PDE4B: variants seen among roughly 807,000 people sequenced by gnomAD.
PDE4B encodes the protein phosphodiesterase 4B, also known as 3',5'-cyclic-AMP phosphodiesterase 4B.
In PDE4B, 20 loss-of-function variants were observed where a neutral mutation model predicts 82.2. The observed-to-expected ratio is 0.24, with a 90% CI of 0.17 to 0.35. PDE4B has a LOEUF of 0.35. Among genes scored for constraint, PDE4B ranks in the 10% least tolerant of loss-of-function variants. PDE4B has a pLI of 1.00. For missense variants in PDE4B, 655 were observed against 907.2 expected (o/e 0.72, Z 3.57); for synonymous variants, 320 against 318.9 (o/e 1.00, Z -0.04).
At chr1:65,877,476 G>T (rs776859721) in intron 1 of PDE4B, among the ~76,000 whole-genome samples, 5 of 152,086 alleles carry the variant, frequency 3.3e-5, no homozygotes, top group Middle Eastern at 3.4e-3. Context: ...TTAGCTGGGC[G>T]TGGTGGCAGG....
chr1:66,269,003 A>G (rs1156547000), intron 7 of PDE4B, among the ~76,000 whole-genome samples: 1 of 152,232 alleles, frequency 6.6e-6, no homozygotes, highest in Non-Finnish European at 1.5e-5. Context: ...CATAGTAAGA[A>G]CACAGTAAGT....
intron 3 of PDE4B, among the ~76,000 whole-genome samples, chr1:66,092,789 A>G (rs979830700): frequency 3.3e-5 from 5 of 151,998 alleles, no homozygotes; most frequent in African/African-American, 1.2e-4. Flanking sequence ...GGGGAACAGC[A>G]GAGACAAAAG....
intron 1 of PDE4B, among the ~76,000 whole-genome samples, chr1:65,819,406 C>G (rs896512889): frequency 2.6e-5 from 4 of 152,138 alleles, no homozygotes; most frequent in Non-Finnish European, 5.9e-5. Flanking sequence ...TAGTCTAACT[C>G]CAGAGACCAG....
At chr1:65,977,552 T>C (rs1183026922) in intron 3 of PDE4B, among the ~76,000 whole-genome samples, 1 of 152,222 alleles carries the variant, frequency 6.6e-6, no homozygotes, top group African/African-American at 2.4e-5. Context: ...TCAGTGAATG[T>C]ACATTCACTG....
chr1:65,961,918 G>A (rs2100599026), intron 3 of PDE4B, among the ~76,000 whole-genome samples: 1 of 152,292 alleles, frequency 6.6e-6, no homozygotes, highest in Middle Eastern at 3.4e-3. Context: ...AAACAGTTAA[G>A]TGCGGCTGAA....
intron 7 of PDE4B, chr1:66,266,547 T>C (rs1056183400): frequency 2.2e-5 from 8 of 371,098 alleles, no homozygotes; most frequent in Admixed American, 1.1e-4. Context: ...TTTCCAGGTG[T>C]GAAACCAAAG....
intron 8 of PDE4B, among the ~76,000 whole-genome samples, chr1:66,335,818 C>T (rs938188120): frequency 6.6e-6 from 1 of 152,212 alleles, no homozygotes; most frequent in African/African-American, 2.4e-5. Flanking sequence ...TTCGATTAGA[C>T]ATGTTAGAGC....
At chr1:66,254,136 G>A (rs997207396) in intron 4 of PDE4B, among the ~76,000 whole-genome samples, 8 of 152,046 alleles carry the variant, frequency 5.3e-5, no homozygotes, top group Admixed American at 4.6e-4. Context: ...ATCTAAATCC[G>A]TTATCTTGTC....
chr1:66,228,425 C>G (rs940153582), intron 3 of PDE4B, among the ~76,000 whole-genome samples: 2 of 152,048 alleles, frequency 1.3e-5, no homozygotes, highest in Non-Finnish European at 2.9e-5. Flanking sequence ...GAGATCAAGA[C>G]CATCCTGGCT....
intron 7 of PDE4B, among the ~76,000 whole-genome samples, chr1:66,274,314 C>T (rs187175399): frequency 9.6e-4 from 142 of 148,348 alleles, no homozygotes; most frequent in African/African-American, 3.4e-3. Context: ...GTATGCGTCA[C>T]AACACCCAGC....
intron 3 of PDE4B, among the ~76,000 whole-genome samples, chr1:66,076,566 T>C (rs1226491749): frequency 6.6e-6 from 1 of 152,138 alleles, no homozygotes; most frequent in Non-Finnish European, 1.5e-5. Flanking sequence ...TAATGGTAGT[T>C]CAACTTTTAG....
intron 3 of PDE4B, among the ~76,000 whole-genome samples, chr1:65,970,001 C>A (rs1008110286): frequency 1.3e-5 from 2 of 152,022 alleles, no homozygotes; most frequent in Admixed American, 6.6e-5. Context: ...TTTAATAATT[C>A]AACTTTCTTA....
intron 3 of PDE4B, among the ~76,000 whole-genome samples, chr1:66,028,494 A>G (rs1206142755): frequency 9.9e-5 from 15 of 152,186 alleles, no homozygotes; most frequent in Admixed American, 9.8e-4. Context: ...ACTCCTTGCT[A>G]CTTATGCAAA....
chr1:66,132,740 G>T (rs1245720584), intron 3 of PDE4B, among the ~76,000 whole-genome samples: 1 of 151,942 alleles, frequency 6.6e-6, no homozygotes, highest in Admixed American at 6.6e-5. Flanking sequence ...TACTGTTTTT[G>T]TTGTCTCCAG....
At chr1:65,854,807 C>T (rs1028731372) in intron 1 of PDE4B, among the ~76,000 whole-genome samples, 3 of 151,902 alleles carry the variant, frequency 2.0e-5, no homozygotes, top group African/African-American at 7.2e-5. Flanking sequence ...CATCTTTCCT[C>T]TCCTCTGGAA....
intron 3 of PDE4B, among the ~76,000 whole-genome samples, chr1:66,071,628 C>T (rs2100928813): frequency 6.6e-6 from 1 of 152,150 alleles, no homozygotes; most frequent in East Asian, 1.9e-4. Flanking sequence ...TTACTTTCCC[C>T]TCCTGGCTGT....
chr1:65,898,890 C>G (rs554069598), intron 1 of PDE4B, among the ~76,000 whole-genome samples: 25 of 152,194 alleles, frequency 1.6e-4, no homozygotes, highest in African/African-American at 5.1e-4. Flanking sequence ...AAAAACCCTT[C>G]TAGACATTGG....
chr1:66,260,816 T>C (rs1570576630), intron 6 of PDE4B, among the ~76,000 whole-genome samples: 1 of 152,138 alleles, frequency 6.6e-6, no homozygotes, highest in East Asian at 1.9e-4. Context: ...AAGACCATAA[T>C]TGCCATAGCA....
At chr1:66,213,570 T>C (rs568608829) in intron 3 of PDE4B, among the ~76,000 whole-genome samples, 1 of 152,242 alleles carries the variant, frequency 6.6e-6, no homozygotes, top group East Asian at 1.9e-4. Context: ...AGTTTCTGCA[T>C]TTTTTTACTT....
Sources: allele counts gnomAD v4.1 joint callset (sites outside exome capture counted in the v4.1 genomes callset), GRCh38; gene constraint gnomAD v4.1.1; transcripts MANE v1.5; gene names NCBI Gene and HGNC (gene_info 2026-07-23, HGNC 2026-07-21).